The following CNTN1 variants were observed in gnomAD, a reference collection of about 807,000 sequenced individuals.
The protein encoded by CNTN1 is contactin 1, also known as contactin-1.
Under a neutral mutation model 126.4 loss-of-function variants are expected in CNTN1, and 38 were observed. The ratio of observed to expected loss-of-function variants is 0.30; its 90% CI spans 0.23 to 0.39. The LOEUF (loss-of-function observed/expected upper bound fraction) is 0.39, where lower values mean the gene tolerates loss of function less well. CNTN1 is among the 10% of genes least tolerant of loss of function. The pLI, the probability that CNTN1 is intolerant of heterozygous loss-of-function variation, is 1.00. For synonymous variants in CNTN1, 413 were observed against 422.6 expected (o/e 0.98, Z 0.28); for missense variants, 1,009 against 1,248.4 (o/e 0.81, Z 2.89).
At chr12:40,760,665 C>T (rs1442013250) in intron 1 of CNTN1, among the ~76,000 whole-genome samples, 1 of 151,854 alleles carries the variant, frequency 6.6e-6, no homozygotes, top group Non-Finnish European at 1.5e-5. Flanking sequence ...ATTTTATTTT[C>T]TAATTACCCA....
Position 40,930,017 on chromosome 12 carries a change from T to C in CNTN1, c.703+15T>C. 1 of 1,578,702 alleles carries C rather than the reference T, an allele frequency of 6.3e-7. No individual in the cohort carries two copies. The highest frequency in any genetic ancestry group is 1.1e-5 in the South Asian group (1 of 90,376). On this transcript the variant is annotated intron_variant, in intron 7 of 23. Coordinates refer to ENST00000551295, the MANE Select transcript of CNTN1 (RefSeq NM_001843.4). ...AATACCTGAACGTAAGTATTTTATT[T>C]GTTACACTCTGTTTTCGCAAGGTTA...
intron 23 of CNTN1, among the ~76,000 whole-genome samples, chr12:41,063,062 C>T (rs573421159): frequency 6.6e-6 from 1 of 152,198 alleles, no homozygotes; most frequent in African/African-American, 2.4e-5. Flanking sequence ...CAAACTCACA[C>T]CAGGCCTTTC....
intron 1 of CNTN1, among the ~76,000 whole-genome samples, chr12:40,859,613 G>A (rs533742326): frequency 3.0e-4 from 45 of 152,122 alleles, no homozygotes; most frequent in African/African-American, 1.0e-3. Flanking sequence ...ACCTAATACA[G>A]AGAGTAATAT....
intron 1 of CNTN1, among the ~76,000 whole-genome samples, chr12:40,727,412 T>C (rs1258615048): frequency 6.6e-6 from 1 of 151,902 alleles, no homozygotes; most frequent in Non-Finnish European, 1.5e-5. Flanking sequence ...GGATTCGTTT[T>C]ATAAATGGTA....
At chr12:41,042,022 G>A (rs1949426534) in intron 23 of CNTN1, among the ~76,000 whole-genome samples, 1 of 151,726 alleles carries the variant, frequency 6.6e-6, no homozygotes, top group South Asian at 2.1e-4. Flanking sequence ...TGTCAGTTTT[G>A]GATCTTTCCT....
chr12:40,710,342 G>A (rs372019443), intron 1 of CNTN1, among the ~76,000 whole-genome samples: 6 of 152,210 alleles, frequency 3.9e-5, no homozygotes, highest in Non-Finnish European at 5.9e-5. Flanking sequence ...TAAATCTTAC[G>A]TAGGTGCAGT....
intron 23 of CNTN1, among the ~76,000 whole-genome samples, chr12:41,036,813 A>G (rs2120913948): frequency 6.6e-6 from 1 of 152,288 alleles, no homozygotes; most frequent in Middle Eastern, 3.4e-3. Context: ...TGACTGGATT[A>G]AAGGGAATGA....
intron 3 of CNTN1, among the ~76,000 whole-genome samples, chr12:40,910,338 A>G (rs940369567): frequency 1.3e-5 from 2 of 152,202 alleles, no homozygotes; most frequent in Admixed American, 6.5e-5. Flanking sequence ...AAAATATTCA[A>G]TTTGGCTGGC....
chr12:40,774,071 C>G (rs568224519), intron 1 of CNTN1, among the ~76,000 whole-genome samples: 8 of 151,558 alleles, frequency 5.3e-5, no homozygotes, highest in Admixed American at 1.3e-4. Context: ...ATAGAACAAG[C>G]TGAAGTAGGC....
intron 12 of CNTN1, 43 bp from the exon 13 acceptor site, chr12:40,943,554 A>C: frequency 1.4e-6 from 2 of 1,403,134 alleles, no homozygotes; most frequent in African/African-American, 2.9e-5. Flanking sequence ...AATGTATTTT[A>C]CTAAATCAGG....
At chr12:40,956,472 T>C (rs1402226658) in intron 14 of CNTN1, among the ~76,000 whole-genome samples, 1 of 152,052 alleles carries the variant, frequency 6.6e-6, no homozygotes, top group Non-Finnish European at 1.5e-5. Flanking sequence ...AAAGACTTGC[T>C]GGAGAAAATG....
chr12:40,719,842 T>G (rs1473888290), intron 1 of CNTN1, among the ~76,000 whole-genome samples: 1 of 150,268 alleles, frequency 6.7e-6, no homozygotes, highest in African/African-American at 2.5e-5. Context: ...TGGCTTTCTG[T>G]TTTTTTTTCT....
chr12:40,927,277 A>G (rs1439890027), intron 6 of CNTN1, among the ~76,000 whole-genome samples: 1 of 152,102 alleles, frequency 6.6e-6, no homozygotes, highest in East Asian at 1.9e-4. Context: ...GATTGATTTT[A>G]TCATCTGTGT....
chr12:40,868,508 A>G (rs1473289751), intron 1 of CNTN1, among the ~76,000 whole-genome samples: 1 of 152,166 alleles, frequency 6.6e-6, no homozygotes, highest in Non-Finnish European at 1.5e-5. Flanking sequence ...CAAAAGGGTA[A>G]TTAAGGATGC....
chr12:40,932,320 C>T (rs1049037719), intron 7 of CNTN1, among the ~76,000 whole-genome samples: 4 of 151,948 alleles, frequency 2.6e-5, no homozygotes, highest in African/African-American at 9.7e-5. Context: ...GGGAGTTCCC[C>T]TGCACATGCT....
chr12:41,061,452 A>G (rs1949937391), intron 23 of CNTN1, among the ~76,000 whole-genome samples: 1 of 152,120 alleles, frequency 6.6e-6, no homozygotes, highest in Non-Finnish European at 1.5e-5. Context: ...ACAAAGATCT[A>G]TTTTGCTTGG....
chr12:40,922,912 A>G (rs1268354492), intron 5 of CNTN1, among the ~76,000 whole-genome samples: 1 of 150,070 alleles, frequency 6.7e-6, no homozygotes, highest in Non-Finnish European at 1.5e-5. Context: ...CGGAGGTTGC[A>G]GTAAGCCGAG....
intron 1 of CNTN1, among the ~76,000 whole-genome samples, chr12:40,845,643 C>T (rs1313046352): frequency 6.6e-6 from 1 of 152,084 alleles, no homozygotes; most frequent in African/African-American, 2.4e-5. Flanking sequence ...AATTTCATTT[C>T]CACCCGCCAG....
intron 1 of CNTN1, among the ~76,000 whole-genome samples, chr12:40,845,734 G>A (rs77488439): frequency 0.027 from 4,124 of 152,236 alleles, 304 homozygotes; most frequent in East Asian, 0.15. Flanking sequence ...CCCACTTGGT[G>A]AGCACACTGG....
Sources: gnomAD v4.1 joint callset for allele counts (sites outside exome capture counted in the v4.1 genomes callset) on GRCh38, gnomAD v4.1.1 for gene constraint, MANE v1.5 for transcripts, NCBI Gene and HGNC (gene_info 2026-07-23, HGNC 2026-07-21) for gene names.